The following UTRN variants were observed in gnomAD, a reference collection of about 807,000 sequenced individuals.
The protein encoded by UTRN is dystrophin-related protein 1.
UTRN carries 283 observed loss-of-function variants against 463.9 expected under a neutral mutation model. That is an observed-to-expected ratio of 0.61 (90% CI 0.55 to 0.67). The LOEUF (loss-of-function observed/expected upper bound fraction) is 0.67, where lower values mean the gene tolerates loss of function less well. Among genes scored for constraint, UTRN ranks in the 30% least tolerant of loss-of-function variants. UTRN has a pLI of 0.00. For missense variants in UTRN, 3,922 were observed against 4,084.3 expected, an observed-to-expected ratio of 0.96 and a Z score of 1.08; for synonymous variants, 1,442 against 1,431.5, an observed-to-expected ratio of 1.01 and a Z score of -0.17.
intron 2 of UTRN, among the ~76,000 whole-genome samples, chr6:144,390,472 C>T (rs1344086133): frequency 6.6e-6 from 1 of 152,182 alleles, no homozygotes. Flanking sequence ...AAGCCAATGG[C>T]CCACATTACC....
intron 52 of UTRN, among the ~76,000 whole-genome samples, chr6:144,698,286 A>G (rs1204941435): frequency 6.6e-6 from 1 of 152,180 alleles, no homozygotes; most frequent in East Asian, 1.9e-4. Flanking sequence ...GACCTTGTTA[A>G]CCACAGTTTT....
intron 10 of UTRN, 34 bp from the exon 11 acceptor site, chr6:144,437,531 G>A: frequency 1.3e-6 from 2 of 1,535,060 alleles, no homozygotes; most frequent in Non-Finnish European, 1.7e-6. Flanking sequence ...TTTGCACTGA[G>A]TAGCTCACAA....
At chr6:144,359,715 G>A (rs1236261114) in intron 2 of UTRN, among the ~76,000 whole-genome samples, 1 of 149,402 alleles carries the variant, frequency 6.7e-6, no homozygotes, top group East Asian at 2.0e-4. Flanking sequence ...CTTTGTCTAC[G>A]CATCGTTTTT....
chr6:144,555,587 T>C (rs561355200), intron 49 of UTRN, among the ~76,000 whole-genome samples: 34 of 152,292 alleles, frequency 2.2e-4, no homozygotes, highest in Non-Finnish European at 3.1e-4. Context: ...TGCACCACCA[T>C]GCCCAGCTAA....
intron 51 of UTRN, among the ~76,000 whole-genome samples, chr6:144,678,069 GTTTC>G (rs1175094931): frequency 5.9e-5 from 9 of 152,036 alleles, no homozygotes; most frequent in Non-Finnish European, 1.0e-4. Context: ...TCTGATGGTA[GTTTC>G]TTTTGCTGCC....
intron 65 of UTRN, among the ~76,000 whole-genome samples, chr6:144,805,623 A>G (rs928965614): frequency 1.3e-5 from 2 of 152,188 alleles, no homozygotes; most frequent in African/African-American, 4.8e-5. Flanking sequence ...GCCCAGTGCA[A>G]AATGAAACTG....
chr6:144,352,215 G>A (rs1432548002), intron 2 of UTRN, among the ~76,000 whole-genome samples: 1 of 152,146 alleles, frequency 6.6e-6, no homozygotes, highest in African/African-American at 2.4e-5. Context: ...CCCACTGATT[G>A]TTAATCAGTA....
chr6:144,660,223 C>A (rs950630008), intron 51 of UTRN: 8 of 471,016 alleles, frequency 1.7e-5, no homozygotes, highest in African/African-American at 1.4e-4. Context: ...GGCTACTGGA[C>A]AATGATTGGT....
In UTRN at chr6:144,766,370, G is replaced by A. The variant is rs184071048; in HGVS notation, c.8496-5537G>A. On this transcript the variant is annotated intron_variant, in intron 58 of 74. Transcript: ENST00000367545. ...ACTTTAGGCAGTTGAATGCAAAATC[G>A]ATTAGTTGGGAGCTCGTGCTTGATT... is the stretch of plus-strand genomic sequence containing the variant. 4.6e-5 allele frequency among the ~76,000 whole-genome samples: 7 copies of A among 152,158 alleles called. No homozygotes were observed. In the East Asian group the frequency reaches 9.6e-4, roughly 21 times the overall value.
intron 73 of UTRN, among the ~76,000 whole-genome samples, chr6:144,843,224 G>A (rs958282884): frequency 2.0e-5 from 3 of 151,996 alleles, no homozygotes; most frequent in African/African-American, 7.2e-5. Context: ...ATTTTCAATT[G>A]TAAAAGTCAG....
At chr6:144,826,618 T>C (rs1464020583) in intron 66 of UTRN, among the ~76,000 whole-genome samples, 1 of 152,158 alleles carries the variant, frequency 6.6e-6, no homozygotes, top group Non-Finnish European at 1.5e-5. Context: ...CACTGAATGA[T>C]CTGGCTCCAG....
chr6:144,315,575 C>G (rs73010803), intron 2 of UTRN, among the ~76,000 whole-genome samples: 2,511 of 152,336 alleles, frequency 0.016, 27 homozygotes, highest in Non-Finnish European at 0.024. Context: ...TTAACTTAGA[C>G]CAAGGCAGCC....
chr6:144,429,714 A>T lies in UTRN; in HGVS notation c.828A>T (p.Glu276Asp). ...CACTCCCAAGGAAATATAAAAAAGAATGTGAAGAAGAGGCAATTAATATAC... is the reference window on the plus strand; with the variant it reads ...CACTCCCAAGGAAATATAAAAAAGATTGTGAAGAAGAGGCAATTAATATAC... ...VETLPRKYKK[E>D]CEEEAINIQS... Residue 276 changes from glutamate (E) to aspartate (D), a missense_variant, in exon 9 of 75, where the codon GAA becomes GAT. By Grantham distance (45) the Glu-to-Asp change is conservative. This residue lies in a region of UTRN where 2,349 missense variants were observed against 2,303.8 expected (regional missense o/e 1.02). Transcript: ENST00000367545. 1.2e-6 allele frequency: 2 copies of T among 1,611,834 alleles called. No individual in the cohort carries two copies. Among genetic ancestry groups the T allele is most frequent in the Non-Finnish European group, 1.7e-6 (2 of 1,179,218 alleles).
chr6:144,451,001 T>C (rs1304857235), intron 17 of UTRN, among the ~76,000 whole-genome samples: 3 of 152,062 alleles, frequency 2.0e-5, no homozygotes, highest in African/African-American at 7.2e-5. Context: ...TAATCCTAGC[T>C]ACTCGGGAGG....
At chr6:144,537,847 A>C (rs1317881361) in intron 44 of UTRN, 130 bp downstream of exon 44, 2 of 1,285,470 alleles carry the variant, frequency 1.6e-6, no homozygotes, top group African/African-American at 3.1e-5. Flanking sequence ...GTGAACCTGA[A>C]AGAGGAATAT....
At chr6:144,506,458 G>T (rs528401566) in intron 34 of UTRN, among the ~76,000 whole-genome samples, 1 of 152,220 alleles carries the variant, frequency 6.6e-6, no homozygotes, top group East Asian at 1.9e-4. Context: ...CAGGCCTCAT[G>T]GTGACAGAAT....
intron 2 of UTRN, among the ~76,000 whole-genome samples, chr6:144,300,824 T>TA (rs1157985232): frequency 1.3e-5 from 2 of 152,188 alleles, no homozygotes; most frequent in Non-Finnish European, 2.9e-5. Flanking sequence ...TATTTGAAAC[T>TA]AAGAAACTGC....
Position 144,424,042 on chromosome 6 carries a change from T to C in UTRN, c.369T>C (p.Thr123=). Residue 123 remains threonine, a synonymous_variant, in exon 6 of 75, where the codon ACT becomes ACC. Coordinates refer to ENST00000367545, the MANE Select transcript of UTRN (RefSeq NM_007124.3). ...TTGTGGATGGAAATCACAAACTGACTTTGGGGTTACTTTGGAGCATCATTT... is the reference window on the plus strand; with the variant it reads ...TTGTGGATGGAAATCACAAACTGACCTTGGGGTTACTTTGGAGCATCATTT... The part of the protein sequence containing the change: ...TDIVDGNHKL[T]LGLLWSIILH... The C allele has an allele frequency of 6.2e-7, 1 of 1,614,210 alleles. No individual in the cohort carries two copies. The highest frequency in any genetic ancestry group is 8.5e-7 in the Non-Finnish European group (1 of 1,180,024).
intron 29 of UTRN, among the ~76,000 whole-genome samples, chr6:144,488,152 C>A (rs1042001006): frequency 1.6e-4 from 25 of 152,092 alleles, no homozygotes; most frequent in African/African-American, 6.0e-4. Context: ...TTAGGTGCTT[C>A]CAAACACATA....
Sources: gnomAD v4.1 joint callset for allele counts (sites outside exome capture counted in the v4.1 genomes callset) on GRCh38, gnomAD v4.1.1 for gene constraint, gnomAD v4.1.1 regional missense constraint, MANE v1.5 for transcripts, NCBI Gene and HGNC (gene_info 2026-07-23, HGNC 2026-07-21) for gene names.